Variants in SNCAIP observed in about 807,000 individuals in gnomAD.
SNCAIP encodes synphilin-1.
In SNCAIP, 43 loss-of-function variants were observed where a neutral mutation model predicts 86.7. The observed-to-expected ratio is 0.50, with a 90% CI of 0.39 to 0.64. The LOEUF is 0.64. Ranked by LOEUF, SNCAIP falls within the 30% of genes least tolerant of loss-of-function variation. The pLI is 0.00. For synonymous variants in SNCAIP, 417 were observed against 427.2 expected, an observed-to-expected ratio of 0.98 and a Z score of 0.29; for missense variants, 981 against 1,103.1, an observed-to-expected ratio of 0.89 and a Z score of 1.57.
chr5:122,333,982 A>G (rs1226762366), intron 1 of SNCAIP, among the ~76,000 whole-genome samples: 1 of 152,198 alleles, frequency 6.6e-6, no homozygotes, highest in African/African-American at 2.4e-5. Context: ...GGAGGCTACA[A>G]GAAAGAAGAG....
In SNCAIP at chr5:122,383,269, A is replaced by G. The variant is rs1187466485; in HGVS notation, c.-46-7820A>G. ...TGCGCCGTTTTTTAAGCTGGTCCAA[A>G]AAGCTCAATATTCGGGTGGGAGTGA... On this transcript the variant is annotated intron_variant, in intron 1 of 10. Coordinates refer to ENST00000261368, the MANE Select transcript of SNCAIP (RefSeq NM_005460.4). Among the ~76,000 whole-genome samples the G allele has an allele frequency of 2.6e-5, 4 of 152,222 alleles. No homozygotes were observed. The East Asian group carries it at 5.8e-4, about 22-fold the overall frequency.
intron 5 of SNCAIP, among the ~76,000 whole-genome samples, chr5:122,429,380 G>A (rs573365877): frequency 4.0e-5 from 6 of 150,578 alleles, no homozygotes; most frequent in African/African-American, 1.5e-4. Flanking sequence ...AAATAATAGA[G>A]GACGTCAATA....
chr5:122,363,548 TG>T (rs1324800788), intron 1 of SNCAIP, among the ~76,000 whole-genome samples: 1 of 151,916 alleles, frequency 6.6e-6, no homozygotes, highest in African/African-American at 2.4e-5. Flanking sequence ...GAAGGGAAAA[TG>T]GGTGTAGAAC....
intron 1 of SNCAIP, among the ~76,000 whole-genome samples, chr5:122,340,146 A>G (rs1414914260): frequency 6.6e-6 from 1 of 152,166 alleles, no homozygotes; most frequent in East Asian, 1.9e-4. Flanking sequence ...TGGAAACTCT[A>G]GGGAGATTTT....
intron 1 of SNCAIP, among the ~76,000 whole-genome samples, chr5:122,337,448 C>T (rs1285761137): frequency 6.6e-6 from 1 of 152,030 alleles, no homozygotes; most frequent in Admixed American, 6.5e-5. Flanking sequence ...TTACCTGATT[C>T]CCCACAGTTG....
intron 2 of SNCAIP, among the ~76,000 whole-genome samples, chr5:122,398,557 C>T (rs1771108594): frequency 6.6e-6 from 1 of 152,096 alleles, no homozygotes; most frequent in Non-Finnish European, 1.5e-5. Context: ...TATTGTGTGC[C>T]TGTTGAGATA....
chr5:122,362,052 C>G (rs1346584098), intron 1 of SNCAIP, among the ~76,000 whole-genome samples: 2 of 152,172 alleles, frequency 1.3e-5, no homozygotes, highest in African/African-American at 2.4e-5. Flanking sequence ...TTGCCTGCAT[C>G]AAATAATTTT....
rs751033340 is a variant in SNCAIP at position 122,422,988 on chromosome 5, A to G, written c.251A>G (p.His84Arg). The G allele has an allele frequency of 4.3e-6, 7 of 1,614,200 alleles. No homozygotes were observed. Among genetic ancestry groups the G allele is most frequent in the Non-Finnish European group, 5.9e-6 (7 of 1,180,022 alleles). The part of the protein sequence containing the change: ...RPVKRVSPLK[H>R]QPETLENNES... The stretch of plus-strand genomic sequence containing the variant: ...GTGAAGCGGGTTTCGCCACTGAAAC[A>G]TCAGCCAGAGACTCTGGAGAACAAT... Residue 84 changes from histidine (H) to arginine (R), a missense_variant, in exon 4 of 11, where the codon CAT becomes CGT. His to Arg is a conservative substitution (Grantham distance 29, BLOSUM62 0). Transcript: ENST00000261368.
rs549220503 is a variant in SNCAIP at position 122,455,479 on chromosome 5, G to A, written c.2754+3878G>A. Reference sequence around the variant, plus strand: ...CCAAAATTTGCTTGACCACCAAATGGCTCCTCTCAGGTAGCAGGGATGCAC... The same window carrying A: ...CCAAAATTTGCTTGACCACCAAATGACTCCTCTCAGGTAGCAGGGATGCAC... On this transcript the variant is annotated intron_variant, in intron 10 of 10. Coordinates refer to ENST00000261368, the MANE Select transcript of SNCAIP (RefSeq NM_005460.4). Among the ~76,000 whole-genome samples, 135 of 152,264 alleles carry A rather than the reference G, an allele frequency of 8.9e-4. 1 individual carries two copies. Among genetic ancestry groups the A allele is most frequent in the African/African-American group, 3.1e-3 (129 of 41,546 alleles).
At chr5:122,363,145 C>A (rs760099470) in intron 1 of SNCAIP, among the ~76,000 whole-genome samples, 10 of 151,920 alleles carry the variant, frequency 6.6e-5, no homozygotes, top group Non-Finnish European at 1.0e-4. Flanking sequence ...TACAGGCATG[C>A]GCCACCATGC....
In SNCAIP at chr5:122,324,544, A is replaced by C. The variant is rs571449797; in HGVS notation, c.-47+12260A>C. Reference sequence around the variant, plus strand: ...AATAAATGAATCCTTCAACATGTCTAACAAGTAAATGTGTTCCTAATATAA... The same window carrying C: ...AATAAATGAATCCTTCAACATGTCTCACAAGTAAATGTGTTCCTAATATAA... On this transcript the variant is annotated intron_variant, in intron 1 of 10. Transcript: ENST00000261368. 5.3e-5 allele frequency among the ~76,000 whole-genome samples: 8 copies of C among 152,352 alleles called. No homozygotes were observed. The South Asian group carries it at 1.7e-3, about 32-fold the overall frequency.
At chr5:122,343,530 A>T (rs1758001540) in intron 1 of SNCAIP, among the ~76,000 whole-genome samples, 1 of 152,224 alleles carries the variant, frequency 6.6e-6, no homozygotes, top group African/African-American at 2.4e-5. Flanking sequence ...TTCATGGATC[A>T]CTGAGAATGT....
intron 1 of SNCAIP, among the ~76,000 whole-genome samples, chr5:122,359,423 G>T (rs1398708892): frequency 6.7e-6 from 1 of 150,330 alleles, no homozygotes; most frequent in African/African-American, 2.5e-5. Flanking sequence ...GAGTTCAGTG[G>T]TGCGATACCA....
chr5:122,360,220 C>G (rs1158891333), intron 1 of SNCAIP, among the ~76,000 whole-genome samples: 1 of 152,130 alleles, frequency 6.6e-6, no homozygotes, highest in Admixed American at 6.5e-5. Context: ...CCTTTTTGCT[C>G]TAAAGATTAT....
At chr5:122,431,512 C>A (rs568950143) in intron 5 of SNCAIP, among the ~76,000 whole-genome samples, 9 of 152,166 alleles carry the variant, frequency 5.9e-5, no homozygotes, top group Admixed American at 4.6e-4. Context: ...ATACACTAAT[C>A]TATTGTGACA....
intron 1 of SNCAIP, among the ~76,000 whole-genome samples, chr5:122,336,230 C>T (rs1253274699): frequency 1.3e-5 from 2 of 152,156 alleles, no homozygotes; most frequent in East Asian, 3.8e-4. Flanking sequence ...CAGAATGAGA[C>T]ACTTTCAGTC....
chr5:122,452,954 C>T (rs1176857179), intron 10 of SNCAIP: 8 of 1,548,944 alleles, frequency 5.2e-6, no homozygotes, highest in Admixed American at 2.0e-5. Context: ...TCAATCTTTC[C>T]TCTAACATGC....
intron 6 of SNCAIP, among the ~76,000 whole-genome samples, chr5:122,432,620 T>G (rs1778636267): frequency 2.0e-5 from 3 of 152,288 alleles, no homozygotes; most frequent in Middle Eastern, 6.8e-3. Flanking sequence ...AAAATCTTTA[T>G]AAGACATTAA....
chr5:122,455,239 A>G (rs1408975712), intron 10 of SNCAIP, among the ~76,000 whole-genome samples: 1 of 152,224 alleles, frequency 6.6e-6, no homozygotes. Context: ...TCATAATCAC[A>G]CACAGACAGA....
Sources: allele counts gnomAD v4.1 joint callset (sites outside exome capture counted in the v4.1 genomes callset), GRCh38; gene constraint gnomAD v4.1.1; transcripts MANE v1.5; gene names NCBI Gene and HGNC (gene_info 2026-07-23, HGNC 2026-07-21).